LRRC4C: variants seen among roughly 807,000 people sequenced by gnomAD.
LRRC4C encodes the protein leucine rich repeat containing 4C.
A neutral mutation model predicts 33.6 loss-of-function variants in LRRC4C; 5 were observed. That is an observed-to-expected ratio of 0.15 (90% CI 0.08 to 0.31). LRRC4C has a LOEUF of 0.31. LRRC4C is among the 10% of genes least tolerant of loss of function. The pLI is 1.00. For synonymous variants in LRRC4C, 329 were observed against 302.0 expected, an observed-to-expected ratio of 1.09 and a Z score of -0.93; for missense variants, 560 against 796.7, an observed-to-expected ratio of 0.70 and a Z score of 3.58.
chr11:40,370,059 A>C (rs925436302), intron 3 of LRRC4C, among the ~76,000 whole-genome samples: 1 of 152,176 alleles, frequency 6.6e-6, no homozygotes. Context: ...GAATACTTAC[A>C]TCTGCAAGAG....
chr11:40,581,480 T>C (rs976606357), intron 3 of LRRC4C, among the ~76,000 whole-genome samples: 4 of 152,236 alleles, frequency 2.6e-5, no homozygotes, highest in African/African-American at 9.6e-5. Flanking sequence ...TTCTTTGTTT[T>C]GTTTCATTTT....
chr11:40,989,355 TG>T (rs1361407032), intron 1 of LRRC4C, among the ~76,000 whole-genome samples: 1 of 152,122 alleles, frequency 6.6e-6, no homozygotes, highest in Non-Finnish European at 1.5e-5. Context: ...ACATCCTCCA[TG>T]AAGTAGGTGC....
At chr11:40,806,152 C>T (rs1483552786) in intron 2 of LRRC4C, among the ~76,000 whole-genome samples, 1 of 152,076 alleles carries the variant, frequency 6.6e-6, no homozygotes, top group African/African-American at 2.4e-5. Flanking sequence ...TGTGACAAAC[C>T]ACCTCAAAAT....
chr11:40,439,097 A>ATTTTT (rs200541047), intron 3 of LRRC4C, among the ~76,000 whole-genome samples: 2 of 134,738 alleles, frequency 1.5e-5, no homozygotes, highest in African/African-American at 2.8e-5. Flanking sequence ...CCCCCAGCTA[A>ATTTTT]TTTTTTTTTT....
chr11:40,911,390 A>G (rs1455598515), intron 2 of LRRC4C, among the ~76,000 whole-genome samples: 1 of 152,144 alleles, frequency 6.6e-6, no homozygotes, highest in Non-Finnish European at 1.5e-5. Context: ...CTGTTCACCA[A>G]TATCCGCTGT....
At chr11:41,138,024 G>T (rs897610107) in intron 1 of LRRC4C, among the ~76,000 whole-genome samples, 1 of 152,152 alleles carries the variant, frequency 6.6e-6, no homozygotes, top group South Asian at 2.1e-4. Flanking sequence ...TCAAATAAAG[G>T]TATATCACTG....
chr11:40,955,873 A>G (rs1469781221), intron 1 of LRRC4C, among the ~76,000 whole-genome samples: 1 of 151,814 alleles, frequency 6.6e-6, no homozygotes, highest in Non-Finnish European at 1.5e-5. Flanking sequence ...AAACTCATAC[A>G]TTCCACACAC....
chr11:40,350,956 G>A (rs1234493334), intron 3 of LRRC4C, among the ~76,000 whole-genome samples: 2 of 151,990 alleles, frequency 1.3e-5, no homozygotes, highest in Non-Finnish European at 2.9e-5. Context: ...CAACTTTACT[G>A]AATTTATTAG....
intron 1 of LRRC4C, among the ~76,000 whole-genome samples, chr11:41,065,123 T>G (rs1489763418): frequency 2.0e-5 from 3 of 151,284 alleles, no homozygotes; most frequent in Non-Finnish European, 4.4e-5. Flanking sequence ...TGGATCCCAC[T>G]CCCATGGAGC....
intron 2 of LRRC4C, among the ~76,000 whole-genome samples, chr11:40,782,345 G>C (rs1020084332): frequency 6.6e-6 from 1 of 152,070 alleles, no homozygotes; most frequent in South Asian, 2.1e-4. Context: ...AGCTGCTTCA[G>C]GCTCTGGTAT....
intron 3 of LRRC4C, among the ~76,000 whole-genome samples, chr11:40,509,658 T>A (rs1348922314): frequency 2.0e-5 from 3 of 152,124 alleles, no homozygotes; most frequent in African/African-American, 7.2e-5. Context: ...ATTTTCTGAT[T>A]TCTGTTAATT....
intron 1 of LRRC4C, among the ~76,000 whole-genome samples, chr11:41,017,330 C>T (rs1049914753): frequency 1.2e-4 from 18 of 152,154 alleles, no homozygotes; most frequent in African/African-American, 3.9e-4. Context: ...GACAAGTTTT[C>T]ATCCAATTCA....
chr11:40,376,383 A>G (rs1404647527), intron 3 of LRRC4C, among the ~76,000 whole-genome samples: 1 of 152,164 alleles, frequency 6.6e-6, no homozygotes, highest in Non-Finnish European at 1.5e-5. Context: ...AACACAGAAA[A>G]GAGTTGAACA....
intron 5 of LRRC4C, among the ~76,000 whole-genome samples, chr11:40,223,896 A>G (rs1420159727): frequency 6.6e-6 from 1 of 152,186 alleles, no homozygotes; most frequent in Non-Finnish European, 1.5e-5. Context: ...AGTTTCTACA[A>G]TTTATCCTTC....
intron 1 of LRRC4C, among the ~76,000 whole-genome samples, chr11:41,207,345 G>T (rs1360788532): frequency 1.3e-5 from 2 of 151,674 alleles, no homozygotes; most frequent in Non-Finnish European, 2.9e-5. Flanking sequence ...AGATCCAGGG[G>T]GCTGAAAAAC....
At chr11:40,368,067 G>A (rs1565320002) in intron 3 of LRRC4C, among the ~76,000 whole-genome samples, 1 of 152,032 alleles carries the variant, frequency 6.6e-6, no homozygotes, top group Non-Finnish European at 1.5e-5. Flanking sequence ...TAGCTGATTG[G>A]CTTAAGGCAG....
rs1944557446 is a variant in LRRC4C, at chr11:41,163,284, G to GTTTTTTTTGTTTT, written c.-495-229562_-495-229561insAAAACAAAAAAAA. On this transcript the variant is annotated intron_variant, in intron 1 of 6. Transcript: ENST00000528697. The stretch of plus-strand genomic sequence containing the variant: ...GTAATAAACTTAGTTTACTGTAACT[G>GTTTTTTTTGTTTT]TTTTTTTTTTTTTTTTTCAAACAGG... 4.1e-5 allele frequency among the ~76,000 whole-genome samples: 3 copies of GTTTTTTTTGTTTT among 73,382 alleles called. 1 individual carries two copies. Among genetic ancestry groups the GTTTTTTTTGTTTT allele is most frequent in the Non-Finnish European group, 7.3e-5 (3 of 40,822 alleles). 48.1% of individuals were successfully genotyped at this position (73,382 alleles called of 152,430 possible).
chr11:40,928,838 G>T (rs1221041062), intron 2 of LRRC4C, among the ~76,000 whole-genome samples: 2 of 151,972 alleles, frequency 1.3e-5, no homozygotes, highest in African/African-American at 4.8e-5. Flanking sequence ...TCTATGCTAG[G>T]CTTATACCAT....
intron 3 of LRRC4C, among the ~76,000 whole-genome samples, chr11:40,338,491 G>A (rs545976754): frequency 9.2e-5 from 14 of 152,120 alleles, no homozygotes; most frequent in African/African-American, 2.2e-4. Flanking sequence ...ACATGCTACC[G>A]ATTTCCAGAG....
Sources: gnomAD v4.1 joint callset for allele counts (sites outside exome capture counted in the v4.1 genomes callset) on GRCh38, gnomAD v4.1.1 for gene constraint, MANE v1.5 for transcripts, NCBI Gene and HGNC (gene_info 2026-07-23, HGNC 2026-07-21) for gene names.